Variants in PTPRS observed in about 807,000 individuals in gnomAD.
PTPRS encodes the protein receptor-type tyrosine-protein phosphatase S.
PTPRS carries 63 observed loss-of-function variants against 215.3 expected under a neutral mutation model. The ratio of observed to expected loss-of-function variants is 0.29; its 90% CI spans 0.24 to 0.36. The LOEUF is 0.36. PTPRS is among the 10% of genes least tolerant of loss of function. The pLI is 1.00. For synonymous variants in PTPRS, 1,404 were observed against 1,191.4 expected, an observed-to-expected ratio of 1.18 and a Z score of -3.68; for missense variants, 2,258 against 2,825.8, an observed-to-expected ratio of 0.80 and a Z score of 4.56.
chr19:5,229,403 T>A (rs2042816197), intron 15 of PTPRS, 61 bp from the exon 16 acceptor site: 2 of 1,349,308 alleles, frequency 1.5e-6, no homozygotes, highest in South Asian at 2.1e-5. Context: ...AGGCCAGAGA[T>A]GGAGAAAGAG....
chr19:5,320,917 G>C (rs1161445243), intron 1 of PTPRS, among the ~76,000 whole-genome samples: 5 of 152,142 alleles, frequency 3.3e-5, no homozygotes, highest in Non-Finnish European at 1.5e-5. Flanking sequence ...AGAGCCATCT[G>C]GCCCTAGAAT....
chr19:5,206,532 G>A lies in PTPRS; in HGVS notation c.*242C>T, dbSNP rs2040378322. On this transcript the variant is annotated 3_prime_UTR_variant, in exon 38 of 38. Transcript: ENST00000262963. The stretch of plus-strand genomic sequence containing the variant: ...CCGGAATCTGGTTTTGGAATTGGAA[G>A]GAAAGGAGGAATGTGCCAAGTATTT... 1 of 416,280 alleles carries A rather than the reference G, an allele frequency of 2.4e-6. No homozygotes were observed. The allele number at this position is 416,280 out of a possible 1,614,324, so 25.8% of individuals were successfully genotyped here.
intron 3 of PTPRS, 138 bp downstream of exon 3, chr19:5,274,061 C>T: frequency 8.1e-7 from 1 of 1,230,620 alleles, no homozygotes; most frequent in Non-Finnish European, 1.1e-6. Context: ...TGGCTGGAGG[C>T]TGCGCAGCCA....
In PTPRS at chr19:5,295,911, C is replaced by T. The variant is rs549443010; in HGVS notation, c.-94-9677G>A. ...CTTGGACTACAGGCACATGCCACCA[C>T]GTCTGGCTAATTTTTGGATTTTTTT... On this transcript the variant is annotated intron_variant, in intron 1 of 37. Transcript: ENST00000262963. The surrounding 1 kb of genome is among the most constrained non-coding windows in gnomAD (Gnocchi z 4.6). Among the ~76,000 whole-genome samples the T allele has an allele frequency of 4.9e-4, 74 of 152,252 alleles. No homozygotes were observed. The highest frequency in any genetic ancestry group is 1.4e-3 in the African/African-American group (58 of 41,564).
rs1261678156 is a variant in PTPRS, at chr19:5,338,124, C to G, written c.-95+2540G>C. 6.6e-6 allele frequency among the ~76,000 whole-genome samples: 1 copy of G among 152,184 alleles called. No individual in the cohort carries two copies. Among genetic ancestry groups the G allele is most frequent in the African/African-American group, 2.4e-5 (1 of 41,460 alleles). On this transcript the variant is annotated intron_variant, in intron 1 of 37. Transcript: ENST00000262963. The surrounding 1 kb of genome is among the most constrained non-coding windows in gnomAD (Gnocchi z 4.2). The stretch of plus-strand genomic sequence containing the variant: ...CTCCCGCGGGGAGTGGGGAGCGGGC[C>G]AGTCCACCGCCTCTTGGGACGGCAT...
chr19:5,243,868 G>A (rs376191825), intron 11 of PTPRS, 33 bp downstream of exon 11: 15 of 1,445,560 alleles, frequency 1.0e-5, no homozygotes, highest in Middle Eastern at 2.2e-4. Context: ...CCGCACGGCC[G>A]GGGCCCCGAG....
chr19:5,226,518 G>A (rs111337678), intron 16 of PTPRS, among the ~76,000 whole-genome samples: 65 of 151,584 alleles, frequency 4.3e-4, no homozygotes, highest in African/African-American at 1.5e-3. Flanking sequence ...ATCACTTAAG[G>A]TCAGGAGTTC....
chr19:5,279,775 C>T (rs1271205941), intron 2 of PTPRS, among the ~76,000 whole-genome samples: 1 of 152,104 alleles, frequency 6.6e-6, no homozygotes, highest in Non-Finnish European at 1.5e-5. Context: ...CTTCACCTCC[C>T]GGATTCACGC....
At chr19:5,223,801 A>C (rs1474307895) in intron 17 of PTPRS, among the ~76,000 whole-genome samples, 1 of 150,262 alleles carries the variant, frequency 6.7e-6, no homozygotes, top group Non-Finnish European at 1.5e-5. Flanking sequence ...ACCTCAGGTG[A>C]TCCACCCGCC....
Position 5,257,413 on chromosome 19 carries a change from G to A in PTPRS, c.706+604C>T, listed in dbSNP as rs764775671. The A allele has an allele frequency of 5.0e-5, 23 of 457,344 alleles. No homozygotes were observed. Among genetic ancestry groups the A allele is most frequent in the African/African-American group, 2.6e-4 (13 of 50,072 alleles). 28.3% of individuals were successfully genotyped at this position (457,344 alleles called of 1,614,324 possible). A position where few individuals can be genotyped will look rare whatever the true frequency, so the allele number is the denominator to read the frequency against. On this transcript the variant is annotated intron_variant, in intron 8 of 37. Coordinates refer to ENST00000262963, the MANE Select transcript of PTPRS (RefSeq NM_002850.4). The surrounding 1 kb of genome is among the most constrained non-coding windows in gnomAD (Gnocchi z 4.4). Reference sequence around the variant, plus strand: ...CCCGCTGTGGCTCCAGCCTCCCATCGGCCTGGACTGCCCTTCTCGGAGAGT... The same window carrying A: ...CCCGCTGTGGCTCCAGCCTCCCATCAGCCTGGACTGCCCTTCTCGGAGAGT...
At chr19:5,245,739 T>C in intron 10 of PTPRS, 37 bp downstream of exon 10, 1 of 1,532,210 alleles carries the variant, frequency 6.5e-7, no homozygotes, top group Non-Finnish European at 8.8e-7. Flanking sequence ...GACTCCAGCC[T>C]GCCCCTCCAC....
intron 30 of PTPRS, among the ~76,000 whole-genome samples, chr19:5,213,740 G>A (rs79002947): frequency 3.0e-4 from 45 of 152,296 alleles, no homozygotes; most frequent in Admixed American, 3.3e-4. Context: ...TCAAGCAGGT[G>A]CCTGACGGTG....
chr19:5,222,552 G>T, intron 18 of PTPRS, 137 bp downstream of exon 18: 1 of 1,037,236 alleles, frequency 9.6e-7, no homozygotes, highest in Non-Finnish European at 1.3e-6. Flanking sequence ...GGAGCCTCGG[G>T]GTCCGGACTT....
chr19:5,240,403 G>A, intron 11 of PTPRS, 71 bp from the exon 12 acceptor site: 2 of 1,419,920 alleles, frequency 1.4e-6, no homozygotes, highest in Non-Finnish European at 1.9e-6. Flanking sequence ...CACCTGCTGA[G>A]TGTCCCCACT....
chr19:5,307,526 A>C (rs2049538261), intron 1 of PTPRS, among the ~76,000 whole-genome samples: 1 of 152,184 alleles, frequency 6.6e-6, no homozygotes, highest in Non-Finnish European at 1.5e-5. Context: ...GGGGGGGAAG[A>C]AAACAAGGTA....
At chr19:5,275,444 T>C (rs1022495548) in intron 2 of PTPRS, among the ~76,000 whole-genome samples, 3 of 151,728 alleles carry the variant, frequency 2.0e-5, no homozygotes, top group Admixed American at 6.6e-5. Context: ...TGGAGTGCAG[T>C]GGCACGGTCT....
At chr19:5,243,625 A>T (rs1348767097) in intron 11 of PTPRS, among the ~76,000 whole-genome samples, 5 of 151,808 alleles carry the variant, frequency 3.3e-5, no homozygotes, top group Admixed American at 3.3e-4. Flanking sequence ...GATTACAAGC[A>T]CAGGCCACCA....
At chr19:5,329,487 C>T (rs1375080311) in intron 1 of PTPRS, among the ~76,000 whole-genome samples, 4 of 152,188 alleles carry the variant, frequency 2.6e-5, no homozygotes, top group Admixed American at 6.5e-5. Flanking sequence ...TTATTAAGGC[C>T]GGGCACAGTG....
In PTPRS at chr19:5,211,666, T is replaced by C. The variant is rs1377369040; in HGVS notation, c.5158A>G (p.Thr1720Ala). The C allele has an allele frequency of 6.2e-7, 1 of 1,614,146 alleles. No individual in the cohort carries two copies. Among genetic ancestry groups the C allele is most frequent in the Admixed American group, 1.7e-5 (1 of 60,014 alleles). Residue 1720 changes from threonine (T) to alanine (A), a missense_variant, in exon 33 of 38, where the codon ACA becomes GCA. This residue lies in a region of PTPRS where 927 missense variants were observed against 1,125.9 expected (regional missense o/e 0.82). Coordinates refer to ENST00000262963, the MANE Select transcript of PTPRS (RefSeq NM_002850.4). ...CGGATGGGTTGCAGACAGACCCGTG[T>C]GCTCTCATAGGGCATGATGTTCACC... ...RLVNIMPYES[T>A]RVCLQPIRGV...
Sources: gnomAD v4.1 joint callset for allele counts (sites outside exome capture counted in the v4.1 genomes callset) on GRCh38, gnomAD v4.1.1 for gene constraint, gnomAD v4.1.1 regional missense constraint, Gnocchi (gnomAD v3.1) non-coding constraint, MANE v1.5 for transcripts, NCBI Gene and HGNC (gene_info 2026-07-23, HGNC 2026-07-21) for gene names.